GLIS3: variants seen among roughly 807,000 people sequenced by gnomAD.
GLIS3 encodes the protein zinc finger protein GLIS3.
Under a neutral mutation model 78.6 loss-of-function variants are expected in GLIS3, and 53 were observed. That is an observed-to-expected ratio of 0.67 (90% CI 0.54 to 0.85). The LOEUF (loss-of-function observed/expected upper bound fraction) is 0.85, where lower values mean the gene tolerates loss of function less well. Ranked by LOEUF, GLIS3 falls within the 40% of genes least tolerant of loss-of-function variation. GLIS3 has a pLI of 0.00. For synonymous variants in GLIS3, 684 were observed against 509.9 expected (o/e 1.34, Z -4.60); for missense variants, 1,703 against 1,231.1 (o/e 1.38, Z -5.74).
rs1554622175 is a variant in GLIS3 at position 3,824,617 on chromosome 9, T to C, written c.*3655A>G. 1 of 152,512 alleles carries C rather than the reference T, an allele frequency of 6.6e-6. No homozygotes were observed. The highest frequency in any genetic ancestry group is 1.5e-5 in the Non-Finnish European group (1 of 68,016). The allele number at this position is 152,512 out of a possible 1,614,324, so 9.4% of individuals were successfully genotyped here. ...GTGACAAATCACAAAACTATACATA[T>C]TAATAGAAAAAAGTGTACCTAATTC... On this transcript the variant is annotated 3_prime_UTR_variant, in exon 11 of 11. Transcript: ENST00000381971.
At position 3,828,396 on chromosome 9, in the gene GLIS3, G is replaced by A; in HGVS notation, c.2669C>T (p.Pro890Leu). ...THSGITVYDL[P>L]SSSSSLFGES... is the part of the protein sequence containing the mutation. ...CCCAAAGAGGCTCGAGGAACTTGAA[G>A]GTAAATCATACACTGGAAGAGAAAG... Residue 890 changes from proline to leucine, a missense_variant, in exon 11 of 11, where the codon CCT becomes CTT. Physicochemically the swap from Pro to Leu is moderately conservative, Grantham distance 98. Transcript: ENST00000381971. 6.2e-7 allele frequency: 1 copy of A among 1,613,336 alleles called. No homozygotes were observed. The highest frequency in any genetic ancestry group is 1.1e-5 in the South Asian group (1 of 91,034).
chr9:4,133,334 A>G (rs1266643841), intron 2 of GLIS3, among the ~76,000 whole-genome samples: 1 of 152,216 alleles, frequency 6.6e-6, no homozygotes, highest in African/African-American at 2.4e-5. Context: ...TTGTTTTCCA[A>G]TCCAGGATCA....
chr9:4,489,120 G>A, the GLIS3 span, among the ~76,000 whole-genome samples: 1 of 152,036 alleles, frequency 6.6e-6, no homozygotes, highest in Non-Finnish European at 1.5e-5. Context: ...GCTCGCCTCG[G>A]ACTCCCAAAG....
At chr9:4,010,038 G>A (rs1157794130) in intron 4 of GLIS3, among the ~76,000 whole-genome samples, 1 of 152,122 alleles carries the variant, frequency 6.6e-6, no homozygotes, top group Non-Finnish European at 1.5e-5. Flanking sequence ...ATTGTGGCGG[G>A]GGGCCAGTAT....
chr9:3,879,870 G>C (rs1440491925), intron 7 of GLIS3, among the ~76,000 whole-genome samples: 3 of 152,134 alleles, frequency 2.0e-5, no homozygotes, highest in African/African-American at 7.2e-5. Flanking sequence ...TCTGGACACT[G>C]TATAATTAGT....
rs543050120 is a variant in GLIS3, at chr9:4,031,259, G to A, written c.1710+86509C>T. ...ATTTCCATCAACAGATGAATGAATA[G>A]GTAAACAAAATGTGACATGTACATG... is the stretch of plus-strand genomic sequence containing the variant. On this transcript the variant is annotated intron_variant, in intron 4 of 10. Transcript: ENST00000381971. Among the ~76,000 whole-genome samples the A allele has an allele frequency of 4.2e-3, 636 of 152,222 alleles. 1 individual carries two copies. The highest frequency in any genetic ancestry group is 5.5e-3 in the Non-Finnish European group (374 of 68,014).
chr9:3,883,385 A>C (rs1821865984), intron 7 of GLIS3, among the ~76,000 whole-genome samples: 2 of 152,244 alleles, frequency 1.3e-5, no homozygotes, highest in African/African-American at 4.8e-5. Context: ...TGCCGACTTC[A>C]TACAGACTTT....
At chr9:4,255,809 C>G (rs146349237) in intron 2 of GLIS3, among the ~76,000 whole-genome samples, 48 of 152,008 alleles carry the variant, frequency 3.2e-4, no homozygotes, top group African/African-American at 9.9e-4. Context: ...TAAATTTGCC[C>G]AAACTCATAG....
intron 2 of GLIS3, among the ~76,000 whole-genome samples, chr9:4,196,183 C>T (rs913376875): frequency 6.6e-6 from 1 of 152,136 alleles, no homozygotes; most frequent in African/African-American, 2.4e-5. Context: ...ACTTTCATGT[C>T]TAGCCAGAGG....
rs1462937814 is a variant in GLIS3 at position 3,829,425 on chromosome 9, A to G, written c.2541T>C (p.Pro847=). The change falls in exon 10 of 11, where the codon CCT becomes CCC. Residue 847 remains proline (P), a synonymous_variant. Coordinates refer to ENST00000381971, the MANE Select transcript of GLIS3 (RefSeq NM_001042413.2). The stretch of plus-strand genomic sequence containing the variant: ...AAGGCACCACACTGCAGGAGCTGAC[A>G]GGCGGCACAATTCTCTGGGAATCGG... ...HYPDSQRIVP[P]VSSCSVVPSF... The G allele has an allele frequency of 6.2e-7, 1 of 1,614,164 alleles. No individual in the cohort carries two copies.
chr9:4,101,722 C>T (rs952495534), intron 4 of GLIS3, among the ~76,000 whole-genome samples: 4 of 152,084 alleles, frequency 2.6e-5, no homozygotes, highest in African/African-American at 7.2e-5. Context: ...TAAGCACTGC[C>T]GGCTTGACAT....
At chr9:4,352,647 T>C (rs1817988675), upstream of GLIS3, among the ~76,000 whole-genome samples, 1 of 152,206 alleles carries the variant, frequency 6.6e-6, no homozygotes, top group African/African-American at 2.4e-5. Flanking sequence ...GGCACAGACC[T>C]GGTTAGTGGG....
At chr9:4,209,694 T>C (rs1453437212) in intron 2 of GLIS3, among the ~76,000 whole-genome samples, 1 of 152,212 alleles carries the variant, frequency 6.6e-6, no homozygotes, top group Non-Finnish European at 1.5e-5. Flanking sequence ...CAGGGTTTCT[T>C]AACGTCACTC....
intron 2 of GLIS3, among the ~76,000 whole-genome samples, chr9:4,167,771 C>T (rs922116460): frequency 1.3e-5 from 2 of 152,188 alleles, no homozygotes; most frequent in South Asian, 2.1e-4. Context: ...TTCTGCAAAT[C>T]CAACAGTAAT....
In GLIS3 at chr9:4,216,201, G is replaced by A. The variant is rs117437565; in HGVS notation, c.388+69837C>T. ...GAAAATGTGGGTTGAGGCCAGGCACGGTGGCTCACACCTGTAATCCCAGCA... is the reference window on the plus strand; with the variant it reads ...GAAAATGTGGGTTGAGGCCAGGCACAGTGGCTCACACCTGTAATCCCAGCA... On this transcript the variant is annotated intron_variant, in intron 2 of 10. Coordinates refer to ENST00000381971, the MANE Select transcript of GLIS3 (RefSeq NM_001042413.2). Among the ~76,000 whole-genome samples, 747 of 152,010 alleles carry A rather than the reference G, an allele frequency of 4.9e-3. 4 individuals carry two copies. Among genetic ancestry groups the A allele is most frequent in the Non-Finnish European group, 8.3e-3 (567 of 68,002 alleles).
At chr9:3,987,607 C>G (rs1216597648) in intron 4 of GLIS3, among the ~76,000 whole-genome samples, 1 of 150,540 alleles carries the variant, frequency 6.6e-6, no homozygotes, top group Non-Finnish European at 1.5e-5. Context: ...GAGGCTGAGG[C>G]AGGCACTTGA....
At chr9:4,230,524 G>A (rs1168095897) in intron 2 of GLIS3, among the ~76,000 whole-genome samples, 1 of 152,172 alleles carries the variant, frequency 6.6e-6, no homozygotes, top group Admixed American at 6.5e-5. Context: ...GGCCCCAGGG[G>A]TATCAGCAGC....
At chr9:4,185,948 C>T (rs1452218518) in intron 2 of GLIS3, among the ~76,000 whole-genome samples, 3 of 152,214 alleles carry the variant, frequency 2.0e-5, no homozygotes, top group East Asian at 3.9e-4. Flanking sequence ...GAATACATAT[C>T]TGGCGCAGTG....
intron 2 of GLIS3, among the ~76,000 whole-genome samples, chr9:4,188,551 G>C (rs1818022621): frequency 6.6e-6 from 1 of 151,786 alleles, no homozygotes; most frequent in South Asian, 2.1e-4. Context: ...CTATTGATTG[G>C]AATAGTTTCA....
Sources: allele counts gnomAD v4.1 joint callset (sites outside exome capture counted in the v4.1 genomes callset), GRCh38; gene constraint gnomAD v4.1.1; transcripts MANE v1.5; gene names NCBI Gene and HGNC (gene_info 2026-07-23, HGNC 2026-07-21).